The following CADM1 variants were observed in gnomAD, a reference collection of about 807,000 sequenced individuals.
CADM1 encodes cell adhesion molecule 1.
In CADM1, 15 loss-of-function variants were observed where a neutral mutation model predicts 53.1. The ratio of observed to expected loss-of-function variants is 0.28; its 90% CI spans 0.19 to 0.44. The LOEUF is 0.44. CADM1 is among the 20% of genes least tolerant of loss of function. The pLI is 1.00. For missense variants in CADM1, 434 were observed against 611.3 expected (o/e 0.71, Z 3.06); for synonymous variants, 281 against 243.0 (o/e 1.16, Z -1.45).
intron 1 of CADM1, among the ~76,000 whole-genome samples, chr11:115,371,979 C>A (rs942771730): frequency 6.6e-6 from 1 of 152,164 alleles, no homozygotes; most frequent in Non-Finnish European, 1.5e-5. Context: ...CATCTGATAT[C>A]ATCATACCTA....
Position 115,258,597 on chromosome 11 carries a change from G to A in CADM1, c.125-18177C>T, listed in dbSNP as rs530690646. ...CCTATAGCTTAGAGCCAGGCCCAGA[G>A]TCCAAAACCATCTTTGGTGAACCTT... On this transcript the variant is annotated intron_variant, in intron 1 of 11. Transcript: ENST00000331581. Among the ~76,000 whole-genome samples the A allele has an allele frequency of 5.3e-5, 8 of 152,330 alleles. No individual in the cohort carries two copies. In the South Asian group the frequency reaches 1.4e-3, roughly 28 times the overall value.
intron 7 of CADM1, among the ~76,000 whole-genome samples, chr11:115,211,838 G>C (rs772494392): frequency 5.3e-5 from 8 of 151,998 alleles, no homozygotes; most frequent in Non-Finnish European, 1.2e-4. Flanking sequence ...TAAAGTGTGT[G>C]ATGTCCACAA....
intron 8 of CADM1, among the ~76,000 whole-genome samples, chr11:115,205,710 A>T (rs1348012238): frequency 6.6e-6 from 1 of 152,240 alleles, no homozygotes; most frequent in African/African-American, 2.4e-5. Flanking sequence ...CAATAGCAAT[A>T]GTTGAAACAG....
intron 1 of CADM1, among the ~76,000 whole-genome samples, chr11:115,275,056 T>G (rs1303778562): frequency 1.3e-5 from 2 of 152,252 alleles, no homozygotes; most frequent in East Asian, 3.9e-4. Flanking sequence ...AGAGAAAAAA[T>G]GAGCATGGAA....
intron 1 of CADM1, among the ~76,000 whole-genome samples, chr11:115,278,663 T>C (rs1451568554): frequency 2.6e-5 from 4 of 152,102 alleles, no homozygotes; most frequent in African/African-American, 9.7e-5. Context: ...TCTACAGAAG[T>C]TTGTAAGAAG....
At chr11:115,264,759 C>T (rs574032790) in intron 1 of CADM1, among the ~76,000 whole-genome samples, 3 of 152,234 alleles carry the variant, frequency 2.0e-5, no homozygotes, top group South Asian at 2.1e-4. Context: ...GAGGATGAAA[C>T]GAGACAATGA....
chr11:115,181,732 C>G (rs1464933004), intron 10 of CADM1, among the ~76,000 whole-genome samples: 1 of 152,144 alleles, frequency 6.6e-6, no homozygotes, highest in Non-Finnish European at 1.5e-5. Context: ...TTTCTGGAGT[C>G]ATCTCAGTCC....
chr11:115,218,035 C>A lies in CADM1; in HGVS notation c.722-44G>T, dbSNP rs1160159061. ...AAGTATAATGTTTAGCAAATGATAT[C>A]ATCAGGCAAAATCAGACTCACACAC... is the stretch of plus-strand genomic sequence containing the variant. On this transcript the variant is annotated intron_variant, in intron 5 of 11. Transcript: ENST00000331581. 2.1e-6 allele frequency: 3 copies of A among 1,425,616 alleles called. No individual in the cohort carries two copies. The Admixed American group carries it at 5.1e-5, about 24-fold the overall frequency. 88.3% of individuals were successfully genotyped at this position (1,425,616 alleles called of 1,614,324 possible).
intron 1 of CADM1, among the ~76,000 whole-genome samples, chr11:115,496,440 TG>T (rs1295597596): frequency 6.6e-6 from 1 of 152,112 alleles, no homozygotes; most frequent in African/African-American, 2.4e-5. Flanking sequence ...TCAGTTTCAC[TG>T]GAGAATCATC....
intron 1 of CADM1, among the ~76,000 whole-genome samples, chr11:115,309,201 A>G (rs1207028995): frequency 6.6e-6 from 1 of 152,140 alleles, no homozygotes; most frequent in Non-Finnish European, 1.5e-5. Context: ...CTTTCTCCAA[A>G]CCAGTGACTA....
At chr11:115,422,543 A>T (rs1947783208) in intron 1 of CADM1, among the ~76,000 whole-genome samples, 1 of 152,190 alleles carries the variant, frequency 6.6e-6, no homozygotes, top group African/African-American at 2.4e-5. Context: ...CTCAACAGGG[A>T]CAACATGGCC....
chr11:115,246,851 A>G (rs1942424977), intron 1 of CADM1, among the ~76,000 whole-genome samples: 1 of 152,348 alleles, frequency 6.6e-6, no homozygotes, highest in African/African-American at 2.4e-5. Flanking sequence ...AGCTTATAAA[A>G]GGAAAAATAT....
chr11:115,402,334 C>G (rs1413094497), intron 1 of CADM1, among the ~76,000 whole-genome samples: 1 of 152,036 alleles, frequency 6.6e-6, no homozygotes, highest in African/African-American at 2.4e-5. Flanking sequence ...ACCAGCCTAG[C>G]CAATATGGTG....
At chr11:115,228,085 T>G (rs1273130559) in intron 5 of CADM1, among the ~76,000 whole-genome samples, 2 of 152,136 alleles carry the variant, frequency 1.3e-5, no homozygotes, top group Admixed American at 1.3e-4. Flanking sequence ...GGGAAGGTCA[T>G]GTGACGATGA....
intron 1 of CADM1, among the ~76,000 whole-genome samples, chr11:115,483,915 C>T (rs1407245836): frequency 6.6e-6 from 1 of 152,140 alleles, no homozygotes; most frequent in Non-Finnish European, 1.5e-5. Flanking sequence ...CACAAAAGTT[C>T]TATTAGACAG....
At chr11:115,291,057 G>A (rs1398882893) in intron 1 of CADM1, among the ~76,000 whole-genome samples, 3 of 152,128 alleles carry the variant, frequency 2.0e-5, no homozygotes, top group African/African-American at 7.2e-5. Flanking sequence ...CAACATGAAA[G>A]GATTACTATA....
intron 1 of CADM1, among the ~76,000 whole-genome samples, chr11:115,378,294 C>T (rs889080036): frequency 7.9e-5 from 12 of 152,024 alleles, no homozygotes; most frequent in Non-Finnish European, 1.0e-4. Flanking sequence ...AAGTCAATTC[C>T]GCCACCTTGT....
chr11:115,409,519 C>T (rs528323907), intron 1 of CADM1, among the ~76,000 whole-genome samples: 28 of 151,966 alleles, frequency 1.8e-4, no homozygotes, highest in African/African-American at 6.8e-4. Flanking sequence ...ATCTAGTCCT[C>T]TTGAATCCAA....
intron 8 of CADM1, among the ~76,000 whole-genome samples, chr11:115,206,640 T>C (rs1202426048): frequency 6.6e-6 from 1 of 151,994 alleles, no homozygotes; most frequent in African/African-American, 2.4e-5. Flanking sequence ...ACTTCTCGAG[T>C]TTAAAAATAT....
Sources: gnomAD v4.1 joint callset for allele counts (sites outside exome capture counted in the v4.1 genomes callset) on GRCh38, gnomAD v4.1.1 for gene constraint, MANE v1.5 for transcripts, NCBI Gene and HGNC (gene_info 2026-07-23, HGNC 2026-07-21) for gene names.